Variants in STXBP5 observed in about 807,000 individuals in gnomAD.
STXBP5 encodes the protein syntaxin binding protein 5, also known as syntaxin-binding protein 5.
In STXBP5, 50 loss-of-function variants were observed where a neutral mutation model predicts 152.4. That is an observed-to-expected ratio of 0.33 (90% confidence interval 0.26 to 0.42). The LOEUF (loss-of-function observed/expected upper bound fraction) is 0.42, where lower values mean the gene tolerates loss of function less well. Among genes scored for constraint, STXBP5 ranks in the 10% least tolerant of loss-of-function variants. The probability of loss-of-function intolerance (pLI) is 1.00; values close to 1 mark genes in which losing one functional copy is unlikely to be tolerated. For synonymous variants in STXBP5, 492 were observed against 494.7 expected (o/e 0.99, Z 0.07); for missense variants, 1,167 against 1,388.6 (o/e 0.84, Z 2.54).
chr6:147,213,434 A>ATATGTG (rs1216361619), intron 2 of STXBP5, among the ~76,000 whole-genome samples: 11 of 85,570 alleles, frequency 1.3e-4, no homozygotes, highest in South Asian at 8.0e-4. Flanking sequence ...AATTTTATAT[A>ATATGTG]TGTGTGTGTG....
intron 16 of STXBP5, among the ~76,000 whole-genome samples, chr6:147,316,739 C>T (rs960552673): frequency 1.3e-5 from 2 of 148,678 alleles, no homozygotes; most frequent in African/African-American, 2.5e-5. Flanking sequence ...ATTTATGTTC[C>T]GACTGCTTTC....
At chr6:147,334,011 C>G (rs1262901691) in intron 18 of STXBP5, 146 bp from the exon 19 acceptor site, 3 of 588,400 alleles carry the variant, frequency 5.1e-6, no homozygotes, top group Non-Finnish European at 8.4e-6. Flanking sequence ...TATCTCAAAC[C>G]CAATGTGCAT....
intron 4 of STXBP5, among the ~76,000 whole-genome samples, chr6:147,244,534 T>G (rs1195281207): frequency 6.6e-6 from 1 of 152,224 alleles, no homozygotes; most frequent in Admixed American, 6.5e-5. Context: ...TCTCCGAAAT[T>G]GCAATGTTTT....
intron 18 of STXBP5, among the ~76,000 whole-genome samples, chr6:147,328,496 G>C (rs1465131194): frequency 6.6e-6 from 1 of 152,152 alleles, no homozygotes; most frequent in Non-Finnish European, 1.5e-5. Context: ...TACAATTCAT[G>C]GGGGGTAGAA....
chr6:147,367,249 A>G (rs1049593858), intron 25 of STXBP5, among the ~76,000 whole-genome samples: 3 of 152,240 alleles, frequency 2.0e-5, no homozygotes, highest in Non-Finnish European at 2.9e-5. Context: ...ACAGAAAAAA[A>G]TAACAGTGTT....
rs116080722 is a variant in STXBP5 at position 147,261,662 on chromosome 6, T to C, written c.567-628T>C. Among the ~76,000 whole-genome samples, 1,299 of 152,142 alleles carry C rather than the reference T, an allele frequency of 8.5e-3. 14 individuals are homozygous for C. Among genetic ancestry groups the C allele is most frequent in the African/African-American group, 0.028 (1,157 of 41,536 alleles). On this transcript the variant is annotated intron_variant, in intron 5 of 27. Coordinates refer to ENST00000321680, the MANE Select transcript of STXBP5 (RefSeq NM_001127715.4). ...TTTGGTAGGGTGGGTTTTCATGGTCTGTTCTTTGAATTGATCATGACATCT... is the reference window on the plus strand; with the variant it reads ...TTTGGTAGGGTGGGTTTTCATGGTCCGTTCTTTGAATTGATCATGACATCT...
chr6:147,230,254 T>C (rs1777929744), intron 2 of STXBP5, among the ~76,000 whole-genome samples: 1 of 151,940 alleles, frequency 6.6e-6, no homozygotes, highest in African/African-American at 2.4e-5. Context: ...TTTAAAATGT[T>C]TTTTAGCTGA....
intron 4 of STXBP5, among the ~76,000 whole-genome samples, chr6:147,244,428 A>T (rs1031021045): frequency 1.3e-5 from 2 of 152,198 alleles, no homozygotes; most frequent in African/African-American, 4.8e-5. Flanking sequence ...GTTTGTCAAT[A>T]TCCACACAAT....
At chr6:147,246,572 T>C (rs1362528882) in intron 4 of STXBP5, among the ~76,000 whole-genome samples, 1 of 152,224 alleles carries the variant, frequency 6.6e-6, no homozygotes. Flanking sequence ...TGAATCTTGA[T>C]ATTAAAGTTA....
chr6:147,328,170 C>CT (rs1457813327), intron 18 of STXBP5, among the ~76,000 whole-genome samples: 2 of 152,072 alleles, frequency 1.3e-5, no homozygotes, highest in South Asian at 2.1e-4. Flanking sequence ...ACTTCTTGCC[C>CT]TTTTTTTATT....
At chr6:147,264,922 A>AG (rs201310667) in intron 6 of STXBP5, among the ~76,000 whole-genome samples, 3,342 of 152,170 alleles carry the variant, frequency 0.022, 90 homozygotes, top group African/African-American at 0.073. Flanking sequence ...TAACCCTCTT[A>AG]AGTTATTAAG....
chr6:147,353,938 C>T (rs999112527), intron 22 of STXBP5, among the ~76,000 whole-genome samples: 2 of 152,082 alleles, frequency 1.3e-5, no homozygotes, highest in African/African-American at 4.8e-5. Flanking sequence ...AACCCACGAA[C>T]AGCACCTTGA....
At chr6:147,235,739 GT>G (rs1778237955) in intron 3 of STXBP5, among the ~76,000 whole-genome samples, 1 of 152,158 alleles carries the variant, frequency 6.6e-6, no homozygotes, top group Non-Finnish European at 1.5e-5. Context: ...TTAGAAAGTA[GT>G]TTCTGCCCAG....
chr6:147,222,728 T>C (rs1187186008), intron 2 of STXBP5, among the ~76,000 whole-genome samples: 1 of 152,238 alleles, frequency 6.6e-6, no homozygotes, highest in Non-Finnish European at 1.5e-5. Context: ...GCCTTTTCTC[T>C]TCCCTCTGCT....
rs1447924827 is a variant in STXBP5 at position 147,385,513 on chromosome 6, T to C, written c.*758T>C. 1 of 152,088 alleles carries C rather than the reference T, an allele frequency of 6.6e-6. No individual in the cohort carries two copies. Among genetic ancestry groups the C allele is most frequent in the Non-Finnish European group, 1.5e-5 (1 of 67,992 alleles). 9.4% of individuals were successfully genotyped at this position (152,088 alleles called of 1,614,324 possible). On this transcript the variant is annotated 3_prime_UTR_variant, in exon 28 of 28. Transcript: ENST00000321680. ...TCTGGGAGTTTCCATGTAGTGGCTA[T>C]GCAGTGTGGAAAGTGAGAAAAACCT... is the stretch of plus-strand genomic sequence containing the variant.
rs775345899 is a variant in STXBP5 at position 147,239,175 on chromosome 6, G to T, written c.336G>T (p.Ala112=). 2 of 1,612,316 alleles carry T rather than the reference G, an allele frequency of 1.2e-6. No homozygotes were observed. The highest frequency in any genetic ancestry group is 1.7e-6 in the Non-Finnish European group (2 of 1,179,082). The change falls in exon 4 of 28, where the codon GCG becomes GCT. Residue 112 remains alanine, a synonymous_variant. Transcript: ENST00000321680. ...TGTTATACTTGATTTTTAAGGGAGCGCTTGTGAGTGCCTTGGCTGATGACA... is the reference window on the plus strand; with the variant it reads ...TGTTATACTTGATTTTTAAGGGAGCTCTTGTGAGTGCCTTGGCTGATGACA... ...IQLQFLINEG[A]LVSALADDTL...
chr6:147,333,747 T>C (rs539104035), intron 18 of STXBP5, among the ~76,000 whole-genome samples: 28 of 152,184 alleles, frequency 1.8e-4, no homozygotes, highest in Non-Finnish European at 3.8e-4. Context: ...TACATACACA[T>C]CCTGTTCATC....
chr6:147,358,220 A>G (rs1784896537), intron 22 of STXBP5, among the ~76,000 whole-genome samples: 1 of 152,132 alleles, frequency 6.6e-6, no homozygotes, highest in East Asian at 1.9e-4. Flanking sequence ...TGAAAAAAAA[A>G]AAGATCCATC....
chr6:147,210,916 A>T, intron 2 of STXBP5, among the ~76,000 whole-genome samples: 1 of 152,182 alleles, frequency 6.6e-6, no homozygotes, highest in Non-Finnish European at 1.5e-5. Context: ...CTGAGTGGCA[A>T]CTGTGTAGGA....
Sources: gnomAD v4.1 joint callset for allele counts (sites outside exome capture counted in the v4.1 genomes callset) on GRCh38, gnomAD v4.1.1 for gene constraint, MANE v1.5 for transcripts, NCBI Gene and HGNC (gene_info 2026-07-23, HGNC 2026-07-21) for gene names.